The following DYRK1A variants were observed in gnomAD, a reference collection of about 807,000 sequenced individuals.
DYRK1A encodes dual specificity tyrosine-phosphorylation-regulated kinase 1A.
In DYRK1A, 9 loss-of-function variants were observed where a neutral mutation model predicts 79.7. The observed-to-expected ratio is 0.11, with a 90% CI of 0.07 to 0.20. The LOEUF is 0.20. Among genes scored for constraint, DYRK1A ranks in the 10% least tolerant of loss-of-function variants. The probability of loss-of-function intolerance (pLI) is 1.00; values close to 1 mark genes in which losing one functional copy is unlikely to be tolerated. For synonymous variants in DYRK1A, 349 were observed against 329.7 expected (o/e 1.06, Z -0.63); for missense variants, 622 against 956.0 (o/e 0.65, Z 4.61).
At chr21:37,423,397 C>T (rs1241543691) in intron 2 of DYRK1A, among the ~76,000 whole-genome samples, 4 of 152,164 alleles carry the variant, frequency 2.6e-5, no homozygotes, top group African/African-American at 7.2e-5. Flanking sequence ...AGCAACCACT[C>T]TTTGCCCTTT....
At chr21:37,376,879 C>G (rs1164894578) in intron 1 of DYRK1A, among the ~76,000 whole-genome samples, 1 of 152,062 alleles carries the variant, frequency 6.6e-6, no homozygotes, top group Non-Finnish European at 1.5e-5. Flanking sequence ...TTCTCATGTT[C>G]CATAATAATA....
At chr21:37,414,454 G>T (rs2050299514) in intron 1 of DYRK1A, among the ~76,000 whole-genome samples, 1 of 152,028 alleles carries the variant, frequency 6.6e-6, no homozygotes, top group African/African-American at 2.4e-5. Flanking sequence ...GTAATTATGG[G>T]GTTTAGTGGT....
At chr21:37,463,982 A>G (rs1037359147) in intron 2 of DYRK1A, among the ~76,000 whole-genome samples, 1 of 152,234 alleles carries the variant, frequency 6.6e-6, no homozygotes, top group African/African-American at 2.4e-5. Flanking sequence ...TTTAAAATCT[A>G]CTATCAATTA....
At chr21:37,416,766 G>T (rs1447291969) in intron 1 of DYRK1A, among the ~76,000 whole-genome samples, 3 of 151,250 alleles carry the variant, frequency 2.0e-5, no homozygotes, top group East Asian at 3.9e-4. Context: ...TTTTTAATGG[G>T]CATCTTCTGA....
chr21:37,374,041 T>C (rs1204545569), intron 1 of DYRK1A, among the ~76,000 whole-genome samples: 1 of 152,204 alleles, frequency 6.6e-6, no homozygotes, highest in African/African-American at 2.4e-5. Context: ...TAGAAAAATG[T>C]AGCTATACTT....
intron 2 of DYRK1A, chr21:37,430,360 G>A: frequency 1.0e-6 from 1 of 985,132 alleles, no homozygotes; most frequent in Non-Finnish European, 1.2e-6. Context: ...GTGTCACTGA[G>A]GTCGTTCCAG....
chr21:37,501,166 G>GTTTTTTTTTTTTTTTT lies in DYRK1A; in HGVS notation c.1213-4109_1213-4094dup, dbSNP rs34646709. On this transcript the variant is annotated intron_variant, in intron 9 of 11. Transcript: ENST00000647188. ...TTATATGTTTTTTTTGTTGTTGTTG[G>GTTTTTTTTTTTTTTTT]TTTTTTTTTTTTTTTTTTTTTTTAA... 2.9e-4 allele frequency among the ~76,000 whole-genome samples: 27 copies of GTTTTTTTTTTTTTTTT among 93,976 alleles called. 1 individual carries two copies. Among genetic ancestry groups the GTTTTTTTTTTTTTTTT allele is most frequent in the African/African-American group, 1.0e-3 (22 of 21,360 alleles). 61.7% of individuals were successfully genotyped at this position (93,976 alleles called of 152,430 possible). A position where few individuals can be genotyped will look rare whatever the true frequency, so the allele number is the denominator to read the frequency against.
chr21:37,375,127 T>G (rs1171116141), intron 1 of DYRK1A: 1 of 152,190 alleles, frequency 6.6e-6, no homozygotes, highest in Non-Finnish European at 1.5e-5. Flanking sequence ...AGTAAGTATG[T>G]GGCTTTTAAT....
intron 5 of DYRK1A, among the ~76,000 whole-genome samples, chr21:37,484,127 C>T (rs751964753): frequency 6.6e-5 from 10 of 152,132 alleles, no homozygotes; most frequent in Non-Finnish European, 1.5e-4. Context: ...GTGAACTGTG[C>T]ATGCGAGGGA....
Position 37,517,986 on chromosome 21 carries a change from T to C in DYRK1A, c.*5455T>C, listed in dbSNP as rs2053898072. ...GCAGCTCACTGCAGCCTTAAACAACTGGGCTAGGTGATCCTCCCATCTCAG... is the reference window on the plus strand; with the variant it reads ...GCAGCTCACTGCAGCCTTAAACAACCGGGCTAGGTGATCCTCCCATCTCAG... On this transcript the variant is annotated 3_prime_UTR_variant, in exon 12 of 12. Transcript: ENST00000647188. 6.6e-6 allele frequency: 1 copy of C among 152,190 alleles called. No individual in the cohort carries two copies. Among genetic ancestry groups the C allele is most frequent in the African/African-American group, 2.4e-5 (1 of 41,424 alleles). The allele number at this position is 152,190 out of a possible 1,614,324, so 9.4% of individuals were successfully genotyped here.
At chr21:37,375,406 C>T (rs969630244) in intron 1 of DYRK1A, among the ~76,000 whole-genome samples, 1 of 151,182 alleles carries the variant, frequency 6.6e-6, no homozygotes, top group Non-Finnish European at 1.5e-5. Context: ...TACTACTTTC[C>T]TTTTAGGTTG....
At chr21:37,369,994 C>G (rs146273165) in intron 1 of DYRK1A, among the ~76,000 whole-genome samples, 198 of 152,242 alleles carry the variant, frequency 1.3e-3, no homozygotes, top group African/African-American at 4.7e-3. Context: ...GTAAAAACGA[C>G]CATTTGTTAA....
At chr21:37,498,998 A>C (rs1450136037) in intron 9 of DYRK1A, among the ~76,000 whole-genome samples, 1 of 151,964 alleles carries the variant, frequency 6.6e-6, no homozygotes, top group Non-Finnish European at 1.5e-5. Context: ...TTAATAATTG[A>C]GTAGTCCTTT....
At chr21:37,492,161 A>G (rs554264770) in intron 7 of DYRK1A, among the ~76,000 whole-genome samples, 1 of 152,300 alleles carries the variant, frequency 6.6e-6, no homozygotes, top group African/African-American at 2.4e-5. Flanking sequence ...AGTTCTTTTA[A>G]ATTAGACTTT....
chr21:37,418,451 G>A (rs1168242272), intron 1 of DYRK1A, among the ~76,000 whole-genome samples: 1 of 152,128 alleles, frequency 6.6e-6, no homozygotes, highest in Non-Finnish European at 1.5e-5. Context: ...TGATTCTACT[G>A]TCTTACAAAG....
chr21:37,395,630 A>G (rs1291318182), intron 1 of DYRK1A, among the ~76,000 whole-genome samples: 1 of 152,228 alleles, frequency 6.6e-6, no homozygotes, highest in Non-Finnish European at 1.5e-5. Context: ...ACATAATCCT[A>G]TAAGAATTAC....
chr21:37,438,443 C>T (rs1197138445), intron 2 of DYRK1A, among the ~76,000 whole-genome samples: 1 of 152,018 alleles, frequency 6.6e-6, no homozygotes, highest in Non-Finnish European at 1.5e-5. Flanking sequence ...CTAGATTTTA[C>T]AGTTTTAGGT....
rs766639446 is a variant in DYRK1A at position 37,478,219 on chromosome 21, C to G, written c.219C>G (p.Pro73=). ...TTGTCATGTTACAGAGGCGGATGCC[C>G]CAAACCTTCCGTGACCCAGCAACTG... ...QQPLTNQRRM[P]QTFRDPATAP... Residue 73 remains proline, a synonymous_variant, in exon 4 of 12, where the codon CCC becomes CCG. Transcript: ENST00000647188. 4 of 1,613,940 alleles carry G rather than the reference C, an allele frequency of 2.5e-6. No individual in the cohort carries two copies. In the East Asian group the frequency reaches 8.9e-5, roughly 36 times the overall value.
chr21:37,508,383 G>A (rs2053656544), intron 11 of DYRK1A, among the ~76,000 whole-genome samples: 1 of 152,180 alleles, frequency 6.6e-6, no homozygotes, highest in East Asian at 1.9e-4. Context: ...CGCCTCCCTG[G>A]TTCAAGCGAG....
Sources: allele counts gnomAD v4.1 joint callset (sites outside exome capture counted in the v4.1 genomes callset), GRCh38; gene constraint gnomAD v4.1.1; transcripts MANE v1.5; gene names NCBI Gene and HGNC (gene_info 2026-07-23, HGNC 2026-07-21).